The following MAP4 variants were observed in gnomAD, a reference collection of about 807,000 sequenced individuals.
MAP4 encodes microtubule associated protein 4.
A neutral mutation model predicts 170.2 loss-of-function variants in MAP4; 76 were observed. The ratio of observed to expected loss-of-function variants is 0.45; its 90% CI spans 0.37 to 0.54. MAP4 has a LOEUF of 0.54. Among genes scored for constraint, MAP4 ranks in the 20% least tolerant of loss-of-function variants. The pLI, the probability that MAP4 is intolerant of heterozygous loss-of-function variation, is 0.00. For missense variants in MAP4, 2,506 were observed against 2,748.0 expected (o/e 0.91, Z 1.97); for synonymous variants, 909 against 994.5 (o/e 0.91, Z 1.62).
At chr3:47,980,196 C>A (rs1025089729) in intron 2 of MAP4, among the ~76,000 whole-genome samples, 2 of 152,036 alleles carry the variant, frequency 1.3e-5, no homozygotes, top group African/African-American at 4.8e-5. Flanking sequence ...TACTAAAATT[C>A]TTGATGGGAT....
In MAP4 at chr3:48,035,128, A is replaced by AT. The variant is rs542278648; in HGVS notation, c.-19-36250dup. ...CAAGAAAAAAATCATTATTTTAACA[A>AT]TTAAAAAGCAAACTTCATATTACAG... On this transcript the variant is annotated intron_variant, in intron 1 of 18. Transcript: ENST00000360240. Among the ~76,000 whole-genome samples, 17 of 151,744 alleles carry AT rather than the reference A, an allele frequency of 1.1e-4. 1 individual carries two copies. The Middle Eastern group carries it at 0.014, about 121-fold the overall frequency.
chr3:47,937,811 G>GCA (rs2100053902), intron 3 of MAP4, among the ~76,000 whole-genome samples: 12 of 151,128 alleles, frequency 7.9e-5, no homozygotes, highest in Middle Eastern at 3.2e-3. Context: ...ACAGGCGCCT[G>GCA]CCACCATGCC....
At chr3:47,879,539 C>G (rs966967621) in intron 10 of MAP4, among the ~76,000 whole-genome samples, 2 of 152,160 alleles carry the variant, frequency 1.3e-5, no homozygotes, top group African/African-American at 4.8e-5. Context: ...TACGTAAATA[C>G]AGTATACTAT....
At chr3:48,053,979 T>A (rs1041652674) in intron 1 of MAP4, among the ~76,000 whole-genome samples, 4 of 152,142 alleles carry the variant, frequency 2.6e-5, no homozygotes, top group African/African-American at 9.7e-5. Context: ...TAAATAAAAC[T>A]TTTGCAAAAA....
intron 19 of MAP4, among the ~76,000 whole-genome samples, chr3:47,854,899 C>G (rs141451242): frequency 6.6e-6 from 1 of 152,352 alleles, no homozygotes; most frequent in East Asian, 1.9e-4. Flanking sequence ...CGCGAGACAG[C>G]TGGGGAGAAC....
Position 47,855,122 on chromosome 3 carries a change from G to T in MAP4, c.6696+126C>A. 1.5e-6 allele frequency: 1 copy of T among 671,082 alleles called. No individual in the cohort carries two copies. Among genetic ancestry groups the T allele is most frequent in the South Asian group, 1.7e-5 (1 of 59,900 alleles). 41.6% of individuals were successfully genotyped at this position (671,082 alleles called of 1,614,324 possible). On this transcript the variant is annotated intron_variant, in intron 19 of 20. Coordinates refer to ENST00000683076, the MANE Select transcript of MAP4 (RefSeq NM_001385682.1). The surrounding 1 kb of genome is among the most constrained non-coding windows in gnomAD (Gnocchi z 5.1). ...CACGGTGGGAAAACGGCAATGGTGTGGGTGAAGACATGACTCCTGAAGAGA... is the reference window on the plus strand; with the variant it reads ...CACGGTGGGAAAACGGCAATGGTGTTGGTGAAGACATGACTCCTGAAGAGA...
chr3:47,981,107 A>G (rs1308806586), intron 2 of MAP4, among the ~76,000 whole-genome samples: 1 of 152,254 alleles, frequency 6.6e-6, no homozygotes, highest in Non-Finnish European at 1.5e-5. Flanking sequence ...AGTATAAAAA[A>G]GTGAATATAA....
intron 1 of MAP4, among the ~76,000 whole-genome samples, chr3:48,030,312 A>C (rs2100115355): frequency 6.6e-6 from 1 of 151,874 alleles, no homozygotes; most frequent in African/African-American, 2.4e-5. Context: ...GGGACACCCC[A>C]GTAAAGCAAC....
chr3:47,947,533 C>T (rs2100060878), intron 3 of MAP4, among the ~76,000 whole-genome samples: 1 of 152,106 alleles, frequency 6.6e-6, no homozygotes, highest in African/African-American at 2.4e-5. Context: ...AAATCTCAAG[C>T]CGGGTGTGGT....
intron 4 of MAP4, among the ~76,000 whole-genome samples, chr3:47,922,097 G>A (rs372922703): frequency 6.4e-4 from 97 of 151,994 alleles, no homozygotes; most frequent in African/African-American, 1.8e-3. Context: ...ACAGATGCCC[G>A]CCACCATGCC....
In MAP4 at chr3:47,854,808, G is replaced by A. The variant is rs146538023; in HGVS notation, c.6696+440C>T. Among the ~76,000 whole-genome samples, 515 of 150,348 alleles carry A rather than the reference G, an allele frequency of 3.4e-3. 3 individuals are homozygous for A. The highest frequency in any genetic ancestry group is 0.013 in the South Asian group (62 of 4,818). ...GGGAGGCCCCAGGCAGCCTGCTGTC[G>A]CTGGCAGCTAAGAATGTGCTGTCCT... On this transcript the variant is annotated intron_variant, in intron 19 of 20. Coordinates refer to ENST00000683076, the MANE Select transcript of MAP4 (RefSeq NM_001385682.1).
At chr3:47,896,953 C>T (rs2100027180) in intron 10 of MAP4, among the ~76,000 whole-genome samples, 1 of 152,078 alleles carries the variant, frequency 6.6e-6, no homozygotes, top group Admixed American at 6.5e-5. Context: ...CTAACAGACC[C>T]CTCATTTTAT....
intron 10 of MAP4, among the ~76,000 whole-genome samples, chr3:47,886,752 C>G (rs2097661384): frequency 6.6e-6 from 1 of 152,242 alleles, no homozygotes; most frequent in African/African-American, 2.4e-5. Context: ...GGAAAACCAG[C>G]CTCACATCAC....
At chr3:48,004,785 C>T (rs1301847190) in intron 1 of MAP4, among the ~76,000 whole-genome samples, 3 of 152,098 alleles carry the variant, frequency 2.0e-5, no homozygotes, top group Non-Finnish European at 4.4e-5. Context: ...CTCTGGTGAA[C>T]TTTTTTTGCC....
At chr3:47,872,217 T>A (rs1252252660) in intron 12 of MAP4, 117 bp from the exon 13 acceptor site, 2 of 960,334 alleles carry the variant, frequency 2.1e-6, no homozygotes, top group Non-Finnish European at 3.1e-6. Flanking sequence ...GAAGTCTCAC[T>A]CTGTTGCCCA....
chr3:47,869,634 T>A (rs1008057535), intron 15 of MAP4, among the ~76,000 whole-genome samples: 20 of 151,850 alleles, frequency 1.3e-4, no homozygotes, highest in African/African-American at 4.8e-4. Context: ...ATTCTGAGAG[T>A]GTGCTGGGGC....
chr3:47,901,426 T>C (rs533026691), intron 10 of MAP4, among the ~76,000 whole-genome samples: 31 of 152,288 alleles, frequency 2.0e-4, no homozygotes, highest in South Asian at 1.7e-3. Flanking sequence ...GCAATGTTTA[T>C]ACACTTCAGG....
In MAP4 at chr3:47,974,252, C is replaced by T. The variant is rs2100080616; in HGVS notation, c.292+3613G>A. ...ACCAGCCTGGCCAACAAAGTAAAAC[C>T]CCGTCTCTACTAAAAATACAAAAAT... On this transcript the variant is annotated intron_variant, in intron 3 of 20. Transcript: ENST00000683076. The T allele has an allele frequency of 7.9e-6, 3 of 381,622 alleles. No homozygotes were observed. In the East Asian group the frequency reaches 4.9e-4, roughly 62 times the overall value. The allele number at this position is 381,622 out of a possible 1,614,324, so 23.6% of individuals were successfully genotyped here. A position where few individuals can be genotyped will look rare whatever the true frequency, so the allele number is the denominator to read the frequency against.
chr3:47,957,329 G>A (rs910102969), intron 3 of MAP4, among the ~76,000 whole-genome samples: 6 of 151,636 alleles, frequency 4.0e-5, no homozygotes, highest in Admixed American at 6.6e-5. Flanking sequence ...CACCATGCCC[G>A]GCTAATTTTT....
Sources: allele counts gnomAD v4.1 joint callset (sites outside exome capture counted in the v4.1 genomes callset), GRCh38; gene constraint gnomAD v4.1.1; non-coding constraint Gnocchi (gnomAD v3.1); transcripts MANE v1.5; gene names NCBI Gene and HGNC (gene_info 2026-07-23, HGNC 2026-07-21).